LRRC4C: variants seen among roughly 807,000 people sequenced by gnomAD.
The protein encoded by LRRC4C is leucine rich repeat containing 4C.
LRRC4C carries 5 observed loss-of-function variants against 33.6 expected under a neutral mutation model. The ratio of observed to expected loss-of-function variants is 0.15; its 90% CI spans 0.08 to 0.31. The LOEUF (loss-of-function observed/expected upper bound fraction) is 0.31. LRRC4C is among the 10% of genes least tolerant of loss of function. The probability of loss-of-function intolerance (pLI) is 1.00; values close to 1 mark genes in which losing one functional copy is unlikely to be tolerated. For missense variants in LRRC4C, 560 were observed against 796.7 expected, an observed-to-expected ratio of 0.70 and a Z score of 3.58; for synonymous variants, 329 against 302.0, an observed-to-expected ratio of 1.09 and a Z score of -0.93.
At chr11:40,998,626 G>T (rs1854147159) in intron 1 of LRRC4C, among the ~76,000 whole-genome samples, 1 of 152,066 alleles carries the variant, frequency 6.6e-6, no homozygotes, top group African/African-American at 2.4e-5. Context: ...TAATTCAACT[G>T]CTCCATGAAC....
chr11:40,735,535 C>T (rs1021971617), intron 2 of LRRC4C, among the ~76,000 whole-genome samples: 9 of 147,090 alleles, frequency 6.1e-5, no homozygotes, highest in Non-Finnish European at 3.0e-5. Context: ...ATATGTGCCA[C>T]ATTTTCTTAA....
At chr11:40,894,263 A>G (rs1955843953) in intron 2 of LRRC4C, among the ~76,000 whole-genome samples, 1 of 152,140 alleles carries the variant, frequency 6.6e-6, no homozygotes, top group African/African-American at 2.4e-5. Context: ...AAATTAACTT[A>G]ATCAAAATAT....
At chr11:40,876,449 C>T (rs372295648) in intron 2 of LRRC4C, among the ~76,000 whole-genome samples, 8 of 151,982 alleles carry the variant, frequency 5.3e-5, no homozygotes, top group East Asian at 1.9e-4. Context: ...AGTTTGGCTT[C>T]GAATGCAGCC....
intron 1 of LRRC4C, among the ~76,000 whole-genome samples, chr11:41,116,270 A>C (rs1035779085): frequency 2.6e-5 from 4 of 152,140 alleles, no homozygotes; most frequent in Non-Finnish European, 5.9e-5. Flanking sequence ...ATGAAGCCTC[A>C]GGTTTTTCAG....
intron 1 of LRRC4C, among the ~76,000 whole-genome samples, chr11:40,943,139 G>C (rs536262781): frequency 7.2e-5 from 11 of 152,266 alleles, no homozygotes; most frequent in African/African-American, 2.4e-4. Context: ...TCTCTGAGAG[G>C]TGATATGTGT....
chr11:41,253,316 C>T (rs1231305887), intron 1 of LRRC4C, among the ~76,000 whole-genome samples: 1 of 152,058 alleles, frequency 6.6e-6, no homozygotes, highest in Non-Finnish European at 1.5e-5. Context: ...AATTATCTTT[C>T]CCACTAAAAA....
chr11:41,234,856 G>A (rs1414141362), intron 1 of LRRC4C, among the ~76,000 whole-genome samples: 1 of 152,040 alleles, frequency 6.6e-6, no homozygotes, highest in African/African-American at 2.4e-5. Flanking sequence ...TGTAAGTAGT[G>A]AAGGTGGACT....
At chr11:40,889,772 T>G (rs1955620207) in intron 2 of LRRC4C, among the ~76,000 whole-genome samples, 1 of 152,102 alleles carries the variant, frequency 6.6e-6, no homozygotes, top group African/African-American at 2.4e-5. Context: ...CTGTTTAAAC[T>G]TAGATAAGTT....
chr11:40,506,401 C>T (rs1198735531), intron 3 of LRRC4C, among the ~76,000 whole-genome samples: 1 of 152,168 alleles, frequency 6.6e-6, no homozygotes, highest in Non-Finnish European at 1.5e-5. Flanking sequence ...ACTTCCTTCA[C>T]ACAGTTTCAG....
intron 1 of LRRC4C, among the ~76,000 whole-genome samples, chr11:41,069,248 T>C (rs973384694): frequency 4.6e-5 from 7 of 152,164 alleles, no homozygotes; most frequent in Non-Finnish European, 1.0e-4. Flanking sequence ...CTCAATAAAC[T>C]AGGTATTGAT....
chr11:40,915,648 T>C (rs1244575265), intron 2 of LRRC4C, among the ~76,000 whole-genome samples: 2 of 152,222 alleles, frequency 1.3e-5, no homozygotes, highest in African/African-American at 2.4e-5. Context: ...AAGGACTTCA[T>C]GTCTAAAACA....
At chr11:40,511,999 T>C (rs1212707683) in intron 3 of LRRC4C, among the ~76,000 whole-genome samples, 1 of 152,140 alleles carries the variant, frequency 6.6e-6, no homozygotes, top group Admixed American at 6.5e-5. Flanking sequence ...GTTTTTATTC[T>C]TTAGCATGTA....
intron 1 of LRRC4C, among the ~76,000 whole-genome samples, chr11:41,283,895 A>G (rs1000980767): frequency 6.6e-6 from 1 of 152,246 alleles, no homozygotes; most frequent in Non-Finnish European, 1.5e-5. Context: ...ATGGTAAAAT[A>G]CAGGTAATAA....
At chr11:40,541,028 T>A (rs1956687638) in intron 3 of LRRC4C, among the ~76,000 whole-genome samples, 1 of 152,138 alleles carries the variant, frequency 6.6e-6, no homozygotes. Context: ...TATTACAGGT[T>A]TTAAATAGGA....
intron 3 of LRRC4C, among the ~76,000 whole-genome samples, chr11:40,571,732 C>T (rs1246336714): frequency 6.6e-6 from 1 of 152,156 alleles, no homozygotes; most frequent in African/African-American, 2.4e-5. Flanking sequence ...GATCTTTAAA[C>T]ACCCCCTATA....
chr11:41,233,251 G>A (rs1474809591), intron 1 of LRRC4C, among the ~76,000 whole-genome samples: 3 of 152,028 alleles, frequency 2.0e-5, no homozygotes, highest in Middle Eastern at 3.4e-3. Context: ...AAGTGAAAAT[G>A]GCATCCTAGT....
At chr11:41,107,120 A>C (rs191653269) in intron 1 of LRRC4C, among the ~76,000 whole-genome samples, 1 of 149,330 alleles carries the variant, frequency 6.7e-6, no homozygotes, top group African/African-American at 2.5e-5. Flanking sequence ...GAGCATCCCC[A>C]AATTCAAAAA....
intron 1 of LRRC4C, among the ~76,000 whole-genome samples, chr11:40,953,953 G>C (rs1311892153): frequency 6.6e-6 from 1 of 151,792 alleles, no homozygotes; most frequent in Non-Finnish European, 1.5e-5. Context: ...GAGAGTCTTA[G>C]AAATTCATCC....
intron 4 of LRRC4C, among the ~76,000 whole-genome samples, chr11:40,315,263 T>C (rs1341349964): frequency 6.6e-6 from 1 of 151,870 alleles, no homozygotes; most frequent in Non-Finnish European, 1.5e-5. Context: ...GGATGGCGTG[T>C]GTGTGTGCAT....
Sources: allele counts gnomAD v4.1 joint callset (sites outside exome capture counted in the v4.1 genomes callset), GRCh38; gene constraint gnomAD v4.1.1; transcripts MANE v1.5; gene names NCBI Gene and HGNC (gene_info 2026-07-23, HGNC 2026-07-21).